Variants in G2E3 observed in about 807,000 individuals in gnomAD.
G2E3 encodes G2/M phase-specific E3 ubiquitin-protein ligase.
G2E3 carries 35 observed loss-of-function variants against 92.8 expected under a neutral mutation model. The ratio of observed to expected loss-of-function variants is 0.38; its 90% CI spans 0.29 to 0.50. The LOEUF is 0.50. Among genes scored for constraint, G2E3 ranks in the 20% least tolerant of loss-of-function variants. The pLI, the probability that G2E3 is intolerant of heterozygous loss-of-function variation, is 0.94. For synonymous variants in G2E3, 242 were observed against 272.4 expected (o/e 0.89, Z 1.10); for missense variants, 554 against 823.8 (o/e 0.67, Z 4.01).
At chr14:30,609,954 G>A (rs375083736) in intron 12 of G2E3, among the ~76,000 whole-genome samples, 2 of 152,230 alleles carry the variant, frequency 1.3e-5, no homozygotes, top group South Asian at 2.1e-4. Flanking sequence ...TAGACAATTA[G>A]AATGTTGTTC....
chr14:30,607,557 A>G (rs939117130), intron 11 of G2E3, among the ~76,000 whole-genome samples: 3 of 152,158 alleles, frequency 2.0e-5, no homozygotes, highest in Non-Finnish European at 2.9e-5. Flanking sequence ...CAGCTTCATT[A>G]TAATCTTAGG....
At position 30,619,317 on chromosome 14, in the gene G2E3, C is replaced by T. The variant is rs1447083875; in HGVS notation, c.*2783C>T. 1 of 151,994 alleles carries T rather than the reference C, an allele frequency of 6.6e-6. No individual in the cohort carries two copies. The highest frequency in any genetic ancestry group is 2.4e-5 in the African/African-American group (1 of 41,424). The allele number at this position is 151,994 out of a possible 1,614,324, so 9.4% of individuals were successfully genotyped here. ...TGGAAGCTATTGGAACTTTTGTATTCAGTGCTAAATACTAAGTCAAGGGGA... is the reference window on the plus strand; with the variant it reads ...TGGAAGCTATTGGAACTTTTGTATTTAGTGCTAAATACTAAGTCAAGGGGA... On this transcript the variant is annotated 3_prime_UTR_variant, in exon 15 of 15. Coordinates refer to ENST00000206595, the MANE Select transcript of G2E3 (RefSeq NM_017769.5).
intron 4 of G2E3, among the ~76,000 whole-genome samples, chr14:30,591,311 A>G (rs1456905969): frequency 6.6e-6 from 1 of 152,088 alleles, no homozygotes; most frequent in Non-Finnish European, 1.5e-5. Flanking sequence ...AAGGGTTCCA[A>G]GGTGTTTTAG....
intron 11 of G2E3, 66 bp from the exon 12 acceptor site, chr14:30,607,822 A>T: frequency 1.2e-6 from 1 of 817,412 alleles, no homozygotes; most frequent in Middle Eastern, 3.8e-4. Context: ...AATTTTTAAT[A>T]TAAAAAATGA....
intron 1 of G2E3, among the ~76,000 whole-genome samples, chr14:30,569,747 G>A (rs1457438653): frequency 1.3e-5 from 2 of 152,112 alleles, no homozygotes; most frequent in African/African-American, 2.4e-5. Context: ...GTGAAGGGGG[G>A]GGATTATATT....
chr14:30,574,639 T>C (rs1236080769), intron 1 of G2E3: 4 of 152,210 alleles, frequency 2.6e-5, no homozygotes, highest in Non-Finnish European at 5.9e-5. Flanking sequence ...TGAGTTCTTA[T>C]CATTTAGCTC....
intron 1 of G2E3, among the ~76,000 whole-genome samples, chr14:30,568,726 A>G (rs1034916019): frequency 6.6e-6 from 1 of 152,156 alleles, no homozygotes; most frequent in African/African-American, 2.4e-5. Context: ...ATTACATTTT[A>G]TATTTTTTGC....
chr14:30,592,341 A>G lies in G2E3; in HGVS notation c.256A>G (p.Lys86Glu). Residue 86 changes from lysine (K) to glutamate (E), a missense_variant, in exon 5 of 15, where the codon AAA becomes GAA. Physicochemically the swap from Lys to Glu is moderately conservative, Grantham distance 56 (BLOSUM62 1). Coordinates refer to ENST00000206595, the MANE Select transcript of G2E3 (RefSeq NM_017769.5). ...ASKLKCCVCKKNGASIGCVAP... is the reference protein window; with the variant it reads ...ASKLKCCVCKENGASIGCVAP... ...CTTCTAGAAATGCTGTGTTTGCAAG[A>G]AAAATGGTGCTTCAATTGGATGTGT... 2 of 1,612,164 alleles carry G rather than the reference A, an allele frequency of 1.2e-6. No homozygotes were observed. The highest frequency in any genetic ancestry group is 8.5e-7 in the Non-Finnish European group (1 of 1,178,666).
At position 30,617,387 on chromosome 14, in the gene G2E3, A is replaced by G. The variant is rs1457574838; in HGVS notation, c.*853A>G. 1 of 151,958 alleles carries G rather than the reference A, an allele frequency of 6.6e-6. No individual in the cohort carries two copies. 9.4% of individuals were successfully genotyped at this position (151,958 alleles called of 1,614,324 possible). A position where few individuals can be genotyped will look rare whatever the true frequency, so the allele number is the denominator to read the frequency against. On this transcript the variant is annotated 3_prime_UTR_variant, in exon 15 of 15. Coordinates refer to ENST00000206595, the MANE Select transcript of G2E3 (RefSeq NM_017769.5). ...TGTCTTCTTTAAAGCCTTGGCTTTA[A>G]TCATGGGAAATTGTTGTTGTTGTTG...
chr14:30,593,732 TAC>T, intron 6 of G2E3, 93 bp downstream of exon 6: 4 of 816,806 alleles, frequency 4.9e-6, no homozygotes, highest in South Asian at 1.7e-5. Flanking sequence ...ACGTGTATAT[TAC>T]CTCTTACTAC....
intron 4 of G2E3, chr14:30,590,714 C>G (rs547414083): frequency 1.8e-5 from 8 of 455,728 alleles, no homozygotes; most frequent in South Asian, 1.2e-4. Flanking sequence ...AAGGAAGAAC[C>G]GTGGGAGAAA....
Position 30,584,852 on chromosome 14 carries a change from G to A in G2E3, c.38-1866G>A, listed in dbSNP as rs570169667. ...TTTTTTTTTTTTTTTTTTTTGAGAC[G>A]GAGTCTTGCTCTGTCGCCCAGGCTG... On this transcript the variant is annotated intron_variant, in intron 2 of 14. Coordinates refer to ENST00000206595, the MANE Select transcript of G2E3 (RefSeq NM_017769.5). Among the ~76,000 whole-genome samples the A allele has an allele frequency of 1.9e-4, 27 of 141,224 alleles. 1 individual carries two copies. In the East Asian group the frequency reaches 4.4e-3, roughly 23 times the overall value. The allele number at this position is 141,224 out of a possible 152,430, so 92.6% of individuals were successfully genotyped here.
chr14:30,587,620 C>T (rs779605976), intron 3 of G2E3, among the ~76,000 whole-genome samples: 1 of 152,194 alleles, frequency 6.6e-6, no homozygotes, highest in Non-Finnish European at 1.5e-5. Flanking sequence ...GAAGACTTTA[C>T]TAGGTTGCAG....
At chr14:30,604,134 G>A (rs1167233208) in intron 10 of G2E3, among the ~76,000 whole-genome samples, 2 of 152,168 alleles carry the variant, frequency 1.3e-5, no homozygotes, top group Non-Finnish European at 2.9e-5. Flanking sequence ...GCTTTAACAT[G>A]CAGTCATATT....
intron 1 of G2E3, among the ~76,000 whole-genome samples, chr14:30,568,461 A>G (rs998480348): frequency 1.3e-5 from 2 of 152,102 alleles, no homozygotes; most frequent in Non-Finnish European, 2.9e-5. Flanking sequence ...TCTAAATACT[A>G]TCTTTCTGTT....
At chr14:30,614,897 A>G (rs1882244071) in intron 13 of G2E3, among the ~76,000 whole-genome samples, 1 of 152,046 alleles carries the variant, frequency 6.6e-6, no homozygotes, top group African/African-American at 2.4e-5. Context: ...AATATCTGTC[A>G]TTTGCTTTAT....
chr14:30,559,526 C>G (rs1878962826), intron 1 of G2E3: 2 of 152,128 alleles, frequency 1.3e-5, no homozygotes, highest in Admixed American at 1.3e-4. Flanking sequence ...CTGCCGGTCC[C>G]CCGCGAGTAA....
chr14:30,611,596 T>G (rs142910588), intron 12 of G2E3: 5,001 of 152,266 alleles, frequency 0.033, 93 homozygotes, highest in East Asian at 0.086. Context: ...GCTGTTACTC[T>G]TTTTCATGAA....
At chr14:30,596,360 T>C (rs1478366739) in intron 6 of G2E3, among the ~76,000 whole-genome samples, 1 of 152,178 alleles carries the variant, frequency 6.6e-6, no homozygotes, top group Non-Finnish European at 1.5e-5. Context: ...TCTAGGGCCT[T>C]AGTCCCTATC....
Sources: allele counts gnomAD v4.1 joint callset (sites outside exome capture counted in the v4.1 genomes callset), GRCh38; gene constraint gnomAD v4.1.1; transcripts MANE v1.5; gene names NCBI Gene and HGNC (gene_info 2026-07-23, HGNC 2026-07-21).